RARB: variants seen among roughly 807,000 people sequenced by gnomAD.
RARB encodes retinoic acid receptor beta, also known as HBV-activated protein.
In RARB, 17 loss-of-function variants were observed where a neutral mutation model predicts 51.9. The observed-to-expected ratio is 0.33, with a 90% CI of 0.22 to 0.49. RARB has a LOEUF of 0.49. RARB is among the 20% of genes least tolerant of loss of function. RARB has a pLI of 0.99. For missense variants in RARB, 369 were observed against 550.8 expected (o/e 0.67, Z 3.30); for synonymous variants, 215 against 195.4 (o/e 1.10, Z -0.84).
intron 2 of RARB, among the ~76,000 whole-genome samples, chr3:24,960,225 C>G (rs528392907): frequency 6.6e-6 from 1 of 152,268 alleles, no homozygotes; most frequent in South Asian, 2.1e-4. Context: ...GGGCACACAT[C>G]TTTGAATATC....
intron 4 of RARB, among the ~76,000 whole-genome samples, chr3:25,579,228 T>A (rs1298439240): frequency 6.6e-6 from 1 of 152,214 alleles, no homozygotes; most frequent in African/African-American, 2.4e-5. Context: ...GCAGTATATT[T>A]TACATAATGT....
At chr3:25,016,268 A>G (rs1013135179) in intron 2 of RARB, among the ~76,000 whole-genome samples, 2 of 152,218 alleles carry the variant, frequency 1.3e-5, no homozygotes, top group African/African-American at 4.8e-5. Context: ...ACTCATGTCC[A>G]AGGAAAGCTA....
chr3:24,986,050 C>T (rs1696787855), intron 2 of RARB, among the ~76,000 whole-genome samples: 1 of 152,166 alleles, frequency 6.6e-6, no homozygotes, highest in Non-Finnish European at 1.5e-5. Flanking sequence ...GAATATAATT[C>T]TAAGAACCAC....
chr3:24,971,299 T>G (rs1696393045), intron 2 of RARB, among the ~76,000 whole-genome samples: 1 of 151,998 alleles, frequency 6.6e-6, no homozygotes, highest in African/African-American at 2.4e-5. Flanking sequence ...ATTTAATCCT[T>G]AGCTATTTAC....
chr3:25,210,526 A>ATTCTTTTTT (rs1701666258), intron 5 of RARB, among the ~76,000 whole-genome samples: 1 of 33,490 alleles, frequency 3.0e-5, no homozygotes, highest in East Asian at 8.9e-4. Context: ...TCTTTATCTG[A>ATTCTTTTTT]TTCTTTTTTT....
chr3:24,958,264 T>TTTTTTTTTC (rs1696063764), intron 2 of RARB, among the ~76,000 whole-genome samples: 1 of 117,554 alleles, frequency 8.5e-6, no homozygotes, highest in Non-Finnish European at 1.6e-5. Flanking sequence ...GGTTTTTTTT[T>TTTTTTTTTC]TTTTTTTTTT....
chr3:24,975,258 T>C (rs962891227), intron 2 of RARB, among the ~76,000 whole-genome samples: 2 of 152,140 alleles, frequency 1.3e-5, no homozygotes, highest in Non-Finnish European at 1.5e-5. Context: ...TGTTAGTTGC[T>C]CAATAAATGA....
chr3:25,460,409 C>G (rs1695117226), intron 1 of RARB, among the ~76,000 whole-genome samples: 1 of 143,204 alleles, frequency 7.0e-6, no homozygotes, highest in Non-Finnish European at 1.5e-5. Flanking sequence ...TTCATTTGTC[C>G]AAAGGAAAAT....
chr3:25,466,910 A>T (rs1001634957), intron 2 of RARB, among the ~76,000 whole-genome samples: 2 of 152,258 alleles, frequency 1.3e-5, no homozygotes, highest in African/African-American at 4.8e-5. Context: ...TATTCTTCTT[A>T]CAACTTCTAA....
intron 5 of RARB, among the ~76,000 whole-genome samples, chr3:25,265,019 C>T (rs912680109): frequency 5.3e-5 from 8 of 152,126 alleles, no homozygotes; most frequent in Admixed American, 6.5e-5. Flanking sequence ...CCTTACAAAA[C>T]GGGCTCTGTG....
intron 2 of RARB, chr3:25,059,982 G>T (rs553404872): frequency 1.3e-5 from 2 of 151,598 alleles, no homozygotes; most frequent in Non-Finnish European, 3.0e-5. Flanking sequence ...TTAAGTTGTG[G>T]GATCCCTGGC....
At position 25,597,194 on chromosome 3, in the gene RARB, A is replaced by G. The variant is rs1304816232; in HGVS notation, c.*578A>G. On this transcript the variant is annotated 3_prime_UTR_variant, in exon 8 of 8. Transcript: ENST00000330688. ...AGGCTGAAGATATTCTACTTTAGTTAGTATGGAAGCTTGTCTTTGCTCTTT... is the reference window on the plus strand; with the variant it reads ...AGGCTGAAGATATTCTACTTTAGTTGGTATGGAAGCTTGTCTTTGCTCTTT... 6.6e-6 allele frequency: 1 copy of G among 152,660 alleles called. No individual in the cohort carries two copies. The highest frequency in any genetic ancestry group is 1.5e-5 in the Non-Finnish European group (1 of 68,048). The allele number at this position is 152,660 out of a possible 1,614,324, so 9.5% of individuals were successfully genotyped here.
intron 3 of RARB, among the ~76,000 whole-genome samples, chr3:25,091,515 C>A (rs977448967): frequency 6.6e-6 from 1 of 152,148 alleles, no homozygotes; most frequent in Non-Finnish European, 1.5e-5. Flanking sequence ...ACGGAATCCA[C>A]CATCTGTTTC....
intron 5 of RARB, among the ~76,000 whole-genome samples, chr3:25,239,678 A>G (rs1472092578): frequency 3.3e-5 from 5 of 152,098 alleles, no homozygotes; most frequent in Non-Finnish European, 7.4e-5. Flanking sequence ...TTTTATGCCA[A>G]TATAATGCTG....
At chr3:25,131,496 G>A (rs900746520) in intron 3 of RARB, among the ~76,000 whole-genome samples, 2 of 151,970 alleles carry the variant, frequency 1.3e-5, no homozygotes, top group South Asian at 2.1e-4. Flanking sequence ...TATCATGGCA[G>A]TGTTTATGTT....
intron 2 of RARB, among the ~76,000 whole-genome samples, chr3:24,967,350 G>A (rs1366131927): frequency 6.6e-6 from 1 of 152,212 alleles, no homozygotes; most frequent in South Asian, 2.1e-4. Flanking sequence ...GGCTACCTAT[G>A]TTTGCCCAAG....
chr3:25,582,279 T>TA (rs1701207213), intron 5 of RARB, among the ~76,000 whole-genome samples: 1 of 152,178 alleles, frequency 6.6e-6, no homozygotes, highest in African/African-American at 2.4e-5. Flanking sequence ...GAATTTCCCC[T>TA]AAACCTCATA....
chr3:24,971,467 C>G (rs1696396277), intron 2 of RARB, among the ~76,000 whole-genome samples: 2 of 152,008 alleles, frequency 1.3e-5, no homozygotes, highest in South Asian at 4.1e-4. Flanking sequence ...TGTTTTAACT[C>G]AAGTAGACCA....
At chr3:25,064,024 G>C (rs1273739811) in intron 3 of RARB, among the ~76,000 whole-genome samples, 1 of 151,968 alleles carries the variant, frequency 6.6e-6, no homozygotes, top group Non-Finnish European at 1.5e-5. Context: ...TAGAGACAGA[G>C]AAGGGATTAC....
Sources: allele counts gnomAD v4.1 joint callset (sites outside exome capture counted in the v4.1 genomes callset), GRCh38; gene constraint gnomAD v4.1.1; transcripts MANE v1.5; gene names NCBI Gene and HGNC (gene_info 2026-07-23, HGNC 2026-07-21).